The following SDK1 variants were observed in gnomAD, a reference collection of about 807,000 sequenced individuals.
SDK1 encodes protein sidekick-1.
SDK1 carries 157 observed loss-of-function variants against 245.5 expected under a neutral mutation model. The observed-to-expected ratio is 0.64, with a 90% CI of 0.56 to 0.73. The LOEUF is 0.73. SDK1 is among the 30% of genes least tolerant of loss of function. The probability of loss-of-function intolerance (pLI) is 0.00; values close to 1 mark genes in which losing one functional copy is unlikely to be tolerated. For synonymous variants in SDK1, 1,647 were observed against 1,278.5 expected, an observed-to-expected ratio of 1.29 and a Z score of -6.15; for missense variants, 3,583 against 3,002.3, an observed-to-expected ratio of 1.19 and a Z score of -4.52.
chr7:3,656,779 C>T (rs1783199328), intron 4 of SDK1, among the ~76,000 whole-genome samples: 1 of 146,400 alleles, frequency 6.8e-6, no homozygotes, highest in African/African-American at 2.5e-5. Flanking sequence ...CTCGCTCTGT[C>T]GCCCAGGCCG....
In SDK1 at chr7:3,553,823, G is replaced by A. The variant is rs538221239; in HGVS notation, c.299-65257G>A. 3.3e-5 allele frequency among the ~76,000 whole-genome samples: 5 copies of A among 152,240 alleles called. No homozygotes were observed. The South Asian group carries it at 1.0e-3, about 32-fold the overall frequency. Reference sequence around the variant, plus strand: ...AAAGCCTAATCCATTCTGTGGGCCTGAACACCACCACTCCTTCTACTGAGG... The same window carrying A: ...AAAGCCTAATCCATTCTGTGGGCCTAAACACCACCACTCCTTCTACTGAGG... On this transcript the variant is annotated intron_variant, in intron 1 of 44. Transcript: ENST00000404826.
chr7:4,107,139 A>G (rs981845085), intron 22 of SDK1, among the ~76,000 whole-genome samples: 1 of 1,736 alleles, frequency 5.8e-4, no homozygotes, highest in Admixed American at 5.1e-3. Context: ...GAGGGTGGGG[A>G]GGGTGGGGAG....
At chr7:4,245,334 C>G (rs1786778989) in intron 43 of SDK1, among the ~76,000 whole-genome samples, 1 of 152,192 alleles carries the variant, frequency 6.6e-6, no homozygotes, top group South Asian at 2.1e-4. Context: ...CCCCTGCCTG[C>G]ATCTGGCAAG....
chr7:3,554,578 C>A (rs1275668256), intron 1 of SDK1, among the ~76,000 whole-genome samples: 3 of 152,148 alleles, frequency 2.0e-5, no homozygotes, highest in Non-Finnish European at 4.4e-5. Context: ...CAGAAAAAAT[C>A]ATCTTCATAA....
chr7:3,404,333 A>G (rs1488609601), intron 1 of SDK1, among the ~76,000 whole-genome samples: 2 of 152,204 alleles, frequency 1.3e-5, no homozygotes, highest in African/African-American at 4.8e-5. Flanking sequence ...TGCAAACAGT[A>G]GATTTCTTCC....
chr7:3,663,664 C>T (rs1046705938), intron 4 of SDK1, among the ~76,000 whole-genome samples: 100 of 152,170 alleles, frequency 6.6e-4, no homozygotes, highest in African/African-American at 2.4e-3. Flanking sequence ...TGAGAGTCCC[C>T]TCAGTCCCTG....
At chr7:3,901,946 G>C (rs1233889203) in intron 5 of SDK1, among the ~76,000 whole-genome samples, 1 of 152,186 alleles carries the variant, frequency 6.6e-6, no homozygotes, top group Non-Finnish European at 1.5e-5. Context: ...CATGGTTTCA[G>C]AGTATCTCCT....
At chr7:3,598,797 T>C (rs1781156217) in intron 1 of SDK1, among the ~76,000 whole-genome samples, 1 of 152,228 alleles carries the variant, frequency 6.6e-6, no homozygotes, top group South Asian at 2.1e-4. Context: ...CAATAGTTTG[T>C]TCCATTTTAT....
intron 1 of SDK1, among the ~76,000 whole-genome samples, chr7:3,431,167 C>G (rs1779834447): frequency 1.3e-5 from 2 of 152,120 alleles, no homozygotes; most frequent in Admixed American, 1.3e-4. Context: ...TCCCAAAGTG[C>G]TGGGATTACA....
chr7:4,062,690 A>G (rs1779615705), intron 19 of SDK1, among the ~76,000 whole-genome samples: 1 of 152,216 alleles, frequency 6.6e-6, no homozygotes, highest in African/African-American at 2.4e-5. Flanking sequence ...ATGAACATAG[A>G]CACAAAAATC....
At chr7:4,237,914 A>G (rs1786280942) in intron 42 of SDK1, 130 bp downstream of exon 42, 2 of 1,120,752 alleles carry the variant, frequency 1.8e-6, no homozygotes, top group Admixed American at 2.3e-5. Flanking sequence ...GCTGAGAGAA[A>G]TGCAATAGGT....
intron 22 of SDK1, among the ~76,000 whole-genome samples, chr7:4,094,394 C>T (rs7784086): frequency 0.32 from 48,676 of 152,128 alleles, 9,455 homozygotes; most frequent in African/African-American, 0.55. Context: ...ATGGATTGCC[C>T]TGGAATTCCG....
chr7:3,591,248 C>A (rs1005751960), intron 1 of SDK1, among the ~76,000 whole-genome samples: 1 of 151,930 alleles, frequency 6.6e-6, no homozygotes, highest in South Asian at 2.1e-4. Context: ...TTACCTTTTT[C>A]CTTTTGCAGT....
At chr7:4,006,236 C>G (rs1360526410) in intron 14 of SDK1, among the ~76,000 whole-genome samples, 1 of 152,202 alleles carries the variant, frequency 6.6e-6, no homozygotes, top group African/African-American at 2.4e-5. Flanking sequence ...GGTTGTGATT[C>G]ATTCCTCGTG....
chr7:3,674,307 G>C (rs189498462), intron 4 of SDK1, among the ~76,000 whole-genome samples: 10 of 152,222 alleles, frequency 6.6e-5, no homozygotes, highest in South Asian at 4.1e-4. Flanking sequence ...TAGTGAGCAT[G>C]GTAATGAGAA....
At chr7:3,400,978 A>C (rs924961896) in intron 1 of SDK1, among the ~76,000 whole-genome samples, 1 of 152,114 alleles carries the variant, frequency 6.6e-6, no homozygotes, top group Non-Finnish European at 1.5e-5. Context: ...TGATGATGAG[A>C]AGGGAAGGGA....
chr7:3,332,508 A>T lies in SDK1; in HGVS notation c.298+30624A>T, dbSNP rs1780093626. Among the ~76,000 whole-genome samples the T allele has an allele frequency of 2.6e-5, 4 of 152,224 alleles. No homozygotes were observed. In the South Asian group the frequency reaches 8.3e-4, roughly 32 times the overall value. ...GTAGTAAGTCTCCTAAAGCGAAGTC[A>T]GAGTCATTATAAAGGCATGATAATG... is the stretch of plus-strand genomic sequence containing the variant. On this transcript the variant is annotated intron_variant, in intron 1 of 44. Coordinates refer to ENST00000404826, the MANE Select transcript of SDK1 (RefSeq NM_152744.4).
chr7:3,415,032 A>G (rs1779322527), intron 1 of SDK1, among the ~76,000 whole-genome samples: 1 of 152,162 alleles, frequency 6.6e-6, no homozygotes, highest in Non-Finnish European at 1.5e-5. Flanking sequence ...TGCTATGAAC[A>G]TTTGTGTAGC....
At chr7:4,107,184 G>A (rs1238652768) in intron 22 of SDK1, among the ~76,000 whole-genome samples, 1 of 149,758 alleles carries the variant, frequency 6.7e-6, no homozygotes, top group African/African-American at 2.4e-5. Flanking sequence ...GCCAACCAGA[G>A]GAAGGAGACC....
Sources: allele counts gnomAD v4.1 joint callset (sites outside exome capture counted in the v4.1 genomes callset), GRCh38; gene constraint gnomAD v4.1.1; transcripts MANE v1.5; gene names NCBI Gene and HGNC (gene_info 2026-07-23, HGNC 2026-07-21).